The following TENM3 variants were observed in gnomAD, a reference collection of about 807,000 sequenced individuals.
The protein encoded by TENM3 is teneurin-3.
TENM3 carries 63 observed loss-of-function variants against 255.1 expected under a neutral mutation model. That is an observed-to-expected ratio of 0.25 (90% CI 0.20 to 0.30). The LOEUF (loss-of-function observed/expected upper bound fraction) is 0.30, where lower values mean the gene tolerates loss of function less well. Among genes scored for constraint, TENM3 ranks in the 10% least tolerant of loss-of-function variants. The probability of loss-of-function intolerance (pLI) is 1.00; values close to 1 mark genes in which losing one functional copy is unlikely to be tolerated. For missense variants in TENM3, 2,929 were observed against 3,461.1 expected (o/e 0.85, Z 3.86); for synonymous variants, 1,306 against 1,322.3 (o/e 0.99, Z 0.27).
chr4:181,535,310 T>C, the TENM3 span, among the ~76,000 whole-genome samples: 1 of 152,186 alleles, frequency 6.6e-6, no homozygotes, highest in Non-Finnish European at 1.5e-5. Flanking sequence ...TGGAAACTTA[T>C]GTATCCTTCC....
chr4:181,593,316 G>A, the TENM3 span, among the ~76,000 whole-genome samples: 1 of 152,290 alleles, frequency 6.6e-6, no homozygotes, highest in South Asian at 2.1e-4. Context: ...TTATAAACTG[G>A]CCATGTGCTG....
chr4:181,802,385 A>G, the TENM3 span, among the ~76,000 whole-genome samples: 5,552 of 152,338 alleles, frequency 0.036, 153 homozygotes, highest in Middle Eastern at 0.061. Context: ...TGTAGCCCAT[A>G]AAACGTGTTG....
chr4:182,464,812 A>C, intron 3 of TENM3, among the ~76,000 whole-genome samples: 1 of 152,128 alleles, frequency 6.6e-6, no homozygotes, highest in East Asian at 1.9e-4. Context: ...TTTACTTATA[A>C]CCTATTACCT....
intron 1 of TENM3, among the ~76,000 whole-genome samples, chr4:182,247,536 A>G (rs1757736986): frequency 6.6e-6 from 1 of 152,204 alleles, no homozygotes; most frequent in Non-Finnish European, 1.5e-5. Context: ...GTTAGTTTCT[A>G]GTCACAAAGT....
At chr4:182,544,822 C>T (rs1741269396) in intron 3 of TENM3, among the ~76,000 whole-genome samples, 1 of 152,184 alleles carries the variant, frequency 6.6e-6, no homozygotes, top group South Asian at 2.1e-4. Flanking sequence ...TATGCCCACA[C>T]TGTTAAAGAC....
At chr4:181,851,727 A>T in the TENM3 span, among the ~76,000 whole-genome samples, 2 of 152,236 alleles carry the variant, frequency 1.3e-5, no homozygotes, top group African/African-American at 4.8e-5. Flanking sequence ...CATAGTAAGG[A>T]AAAGCAATAT....
At chr4:182,392,313 C>T (rs769226054) in intron 3 of TENM3, among the ~76,000 whole-genome samples, 1 of 152,186 alleles carries the variant, frequency 6.6e-6, no homozygotes, top group African/African-American at 2.4e-5. Flanking sequence ...TCTGTTGAAT[C>T]GCTTTAACTG....
intron 3 of TENM3, among the ~76,000 whole-genome samples, chr4:182,593,278 G>A (rs1214530765): frequency 6.6e-6 from 1 of 152,164 alleles, no homozygotes; most frequent in African/African-American, 2.4e-5. Flanking sequence ...ATACCCAGGA[G>A]GTGTTTTGTG....
chr4:181,509,539 T>C, the TENM3 span, among the ~76,000 whole-genome samples: 1 of 152,180 alleles, frequency 6.6e-6, no homozygotes, highest in Non-Finnish European at 1.5e-5. Flanking sequence ...GTATGATCAC[T>C]ACTGTTTATA....
chr4:181,568,423 C>T, the TENM3 span, among the ~76,000 whole-genome samples: 3 of 152,048 alleles, frequency 2.0e-5, no homozygotes, highest in Admixed American at 6.5e-5. Flanking sequence ...AATTCCTGAC[C>T]TCAGATGATC....
intron 1 of TENM3, among the ~76,000 whole-genome samples, chr4:182,311,829 C>T (rs1378766345): frequency 1.3e-5 from 2 of 152,216 alleles, no homozygotes; most frequent in Admixed American, 6.5e-5. Flanking sequence ...CAGTGGCACA[C>T]AGACTTCCCA....
intron 1 of TENM3, among the ~76,000 whole-genome samples, chr4:182,255,810 A>T (rs1054666943): frequency 3.3e-5 from 5 of 152,196 alleles, no homozygotes; most frequent in Non-Finnish European, 7.4e-5. Context: ...CTTCATTGTT[A>T]ACATTTTTTT....
intron 1 of TENM3, among the ~76,000 whole-genome samples, chr4:182,258,740 A>G (rs1457294978): frequency 6.6e-6 from 1 of 152,214 alleles, no homozygotes; most frequent in South Asian, 2.1e-4. Context: ...CATTTTTGTA[A>G]GAGACCATGC....
At chr4:181,780,018 T>G in the TENM3 span, among the ~76,000 whole-genome samples, 1 of 152,258 alleles carries the variant, frequency 6.6e-6, no homozygotes, top group Non-Finnish European at 1.5e-5. Context: ...TGCCACATTT[T>G]CTTAATCCAG....
intron 3 of TENM3, among the ~76,000 whole-genome samples, chr4:182,481,146 A>G (rs919761011): frequency 3.3e-5 from 5 of 152,170 alleles, no homozygotes; most frequent in Middle Eastern, 3.2e-3. Flanking sequence ...AGAGAGGCCA[A>G]GAGAGTTTCT....
At chr4:181,635,595 C>G in the TENM3 span, among the ~76,000 whole-genome samples, 2 of 152,166 alleles carry the variant, frequency 1.3e-5, no homozygotes, top group African/African-American at 4.8e-5. Context: ...GGTTGTCAAG[C>G]TGGGCTCAGA....
chr4:182,127,226 C>T, the TENM3 span, among the ~76,000 whole-genome samples: 1 of 152,148 alleles, frequency 6.6e-6, no homozygotes, highest in Non-Finnish European at 1.5e-5. Flanking sequence ...GTAAGGCAGA[C>T]ATCTAATGGA....
At chr4:182,593,351 C>T (rs1746861877) in intron 3 of TENM3, among the ~76,000 whole-genome samples, 1 of 152,288 alleles carries the variant, frequency 6.6e-6, no homozygotes, top group South Asian at 2.1e-4. Context: ...GTCTCTCTGT[C>T]TGTCTGTCTG....
the TENM3 span, among the ~76,000 whole-genome samples, chr4:181,585,206 T>C: frequency 2.0e-5 from 3 of 152,138 alleles, no homozygotes. Flanking sequence ...TTGTACTTGA[T>C]TCACAGATGG....
Sources: gnomAD v4.1 joint callset for allele counts (sites outside exome capture counted in the v4.1 genomes callset) on GRCh38, gnomAD v4.1.1 for gene constraint, MANE v1.5 for transcripts, NCBI Gene and HGNC (gene_info 2026-07-23, HGNC 2026-07-21) for gene names.